Variants in CMC2 observed in about 807,000 individuals in gnomAD.
CMC2 encodes the protein C-X9-C motif containing 2.
CMC2 carries 5 observed loss-of-function variants against 7.5 expected under a neutral mutation model. The observed-to-expected ratio is 0.66, with a 90% CI of 0.35 to 1.40. The LOEUF (loss-of-function observed/expected upper bound fraction) is 1.40. Ranked by LOEUF, CMC2 falls within the 40% of genes most tolerant of loss-of-function variation. The pLI is 0.04. For missense variants in CMC2, 115 were observed against 92.3 expected (o/e 1.25, Z -1.01); for synonymous variants, 37 against 31.4 (o/e 1.18, Z -0.60).
chr16:81,002,550 T>C (rs1968944268), intron 1 of CMC2, among the ~76,000 whole-genome samples: 1 of 152,254 alleles, frequency 6.6e-6, no homozygotes, highest in Non-Finnish European at 1.5e-5. Flanking sequence ...TGTGTGCCTT[T>C]ACAATTCAGA....
rs1005292021 is a variant in CMC2, at chr16:80,970,876, C to G, written c.*5217G>C. The G allele has an allele frequency of 1.3e-5, 2 of 152,074 alleles. No homozygotes were observed. Among genetic ancestry groups the G allele is most frequent in the African/African-American group, 4.8e-5 (2 of 41,402 alleles). 9.4% of individuals were successfully genotyped at this position (152,074 alleles called of 1,614,324 possible). ...ATTAGAATAAGTAATTTTAAAAATA[C>G]CCCTTAGACACAAATCTAGCAAAAG... On this transcript the variant is annotated 3_prime_UTR_variant, in exon 4 of 4. Transcript: ENST00000219400.
In CMC2 at chr16:80,974,780, G is replaced by C. The variant is rs1444981859; in HGVS notation, c.*1313C>G. ...TCTGTATTTCTACTGCCTGACACTA[G>C]GGGGACTGAATAAATATTCATACAC... On this transcript the variant is annotated 3_prime_UTR_variant, in exon 4 of 4. Transcript: ENST00000219400. 1.3e-5 allele frequency: 2 copies of C among 152,178 alleles called. No individual in the cohort carries two copies. The highest frequency in any genetic ancestry group is 2.4e-5 in the African/African-American group (1 of 41,442). The allele number at this position is 152,178 out of a possible 1,614,324, so 9.4% of individuals were successfully genotyped here. A position where few individuals can be genotyped will look rare whatever the true frequency, so the allele number is the denominator to read the frequency against.
Position 80,978,182 on chromosome 16 carries a change from A to G in CMC2, c.154-2003T>C. 3 of 756,940 alleles carry G rather than the reference A, an allele frequency of 4.0e-6. No homozygotes were observed. In the African/African-American group the frequency reaches 5.7e-5, roughly 14 times the overall value. 46.9% of individuals were successfully genotyped at this position (756,940 alleles called of 1,614,324 possible). On this transcript the variant is annotated intron_variant, in intron 3 of 3. Coordinates refer to ENST00000219400, the MANE Select transcript of CMC2 (RefSeq NM_020188.5). ...CATAAAATTGTTGGGGAAAAAATCA[A>G]TAAAACGTATTCTAGAACAAGGAAG... is the stretch of plus-strand genomic sequence containing the variant.
At chr16:81,000,314 G>C (rs1395824219) in intron 1 of CMC2, among the ~76,000 whole-genome samples, 1 of 152,048 alleles carries the variant, frequency 6.6e-6, no homozygotes, top group Non-Finnish European at 1.5e-5. Context: ...TGGCCAATAT[G>C]GTGAAACCCC....
At chr16:80,993,471 G>C (rs772173381) in intron 2 of CMC2, among the ~76,000 whole-genome samples, 4 of 152,198 alleles carry the variant, frequency 2.6e-5, no homozygotes, top group Non-Finnish European at 4.4e-5. Flanking sequence ...AATCTACATG[G>C]AGCTGCCTTG....
chr16:80,989,827 T>C (rs546275681), intron 2 of CMC2, among the ~76,000 whole-genome samples: 11 of 152,350 alleles, frequency 7.2e-5, no homozygotes, highest in African/African-American at 2.6e-4. Flanking sequence ...GAAACCTGTC[T>C]CTTTTCGTCT....
intron 3 of CMC2, among the ~76,000 whole-genome samples, chr16:80,981,385 A>G (rs1181575997): frequency 6.6e-6 from 1 of 151,546 alleles, no homozygotes; most frequent in Non-Finnish European, 1.5e-5. Context: ...CATAACTACA[A>G]AGAAATTCAA....
chr16:80,998,954 G>A (rs1231290485), intron 1 of CMC2: 1 of 126,934 alleles, frequency 7.9e-6, no homozygotes, highest in Non-Finnish European at 1.8e-5. Context: ...CTCAAAATAA[G>A]AGCCATCTAT....
At chr16:80,993,005 G>T (rs1968128366) in intron 2 of CMC2, among the ~76,000 whole-genome samples, 1 of 151,992 alleles carries the variant, frequency 6.6e-6, no homozygotes, top group African/African-American at 2.4e-5. Context: ...CCCACACCTA[G>T]GTTATATAAG....
At chr16:80,988,790 GT>G (rs1239868853) in intron 2 of CMC2, among the ~76,000 whole-genome samples, 2 of 125,912 alleles carry the variant, frequency 1.6e-5, no homozygotes, top group Non-Finnish European at 1.8e-5. Context: ...GCATTTAGTT[GT>G]CACGTCTTTT....
rs1911742944 is a variant in CMC2, at chr16:80,969,058, G to A, written c.*7035C>T. The A allele has an allele frequency of 1.3e-5, 2 of 152,226 alleles. 1 individual carries two copies. The highest frequency in any genetic ancestry group is 4.1e-4 in the South Asian group (2 of 4,832). 9.4% of individuals were successfully genotyped at this position (152,226 alleles called of 1,614,324 possible). On this transcript the variant is annotated 3_prime_UTR_variant, in exon 4 of 4. Coordinates refer to ENST00000219400, the MANE Select transcript of CMC2 (RefSeq NM_020188.5). ...CTTGGGCTCTGAGCAGAAAAAATAT[G>A]TTTCCCATTGGTAAGTTAAGTGTGT...
chr16:80,967,250 G>A lies in CMC2; in HGVS notation c.*8843C>T, dbSNP rs1911616981. The A allele has an allele frequency of 6.6e-6, 1 of 152,218 alleles. No homozygotes were observed. Among genetic ancestry groups the A allele is most frequent in the Non-Finnish European group, 1.5e-5 (1 of 68,038 alleles). The allele number at this position is 152,218 out of a possible 1,614,324, so 9.4% of individuals were successfully genotyped here. ...ATCTGCTAGCTTAACTAAAATTTTA[G>A]CAGATAAAGCCATCACAGCAACTTG... is the stretch of plus-strand genomic sequence containing the variant. On this transcript the variant is annotated 3_prime_UTR_variant, in exon 4 of 4. Transcript: ENST00000219400.
intron 3 of CMC2, 42 bp downstream of exon 3, chr16:80,981,764 T>A: frequency 7.8e-7 from 1 of 1,286,178 alleles, no homozygotes; most frequent in Non-Finnish European, 1.1e-6. Flanking sequence ...AAATGTTCTG[T>A]TCTATTGTTC....
chr16:80,993,221 A>G (rs1367017165), intron 2 of CMC2, among the ~76,000 whole-genome samples: 2 of 152,214 alleles, frequency 1.3e-5, no homozygotes, highest in Admixed American at 1.3e-4. Context: ...AACTATTTTC[A>G]GATATTGGGA....
intron 3 of CMC2, among the ~76,000 whole-genome samples, chr16:80,978,583 CA>C (rs996656975): frequency 2.6e-5 from 4 of 151,732 alleles, no homozygotes; most frequent in Admixed American, 2.6e-4. Context: ...AGAAGAAGAA[CA>C]AAAGGCCAGG....
intron 1 of CMC2, among the ~76,000 whole-genome samples, chr16:81,000,623 A>G (rs1308261599): frequency 3.3e-5 from 5 of 152,270 alleles, no homozygotes; most frequent in Non-Finnish European, 5.9e-5. Flanking sequence ...TCATCAGAGA[A>G]ATGCAAATCA....
At chr16:80,981,743 A>C in intron 3 of CMC2, 63 bp downstream of exon 3, 1 of 1,081,198 alleles carries the variant, frequency 9.2e-7, no homozygotes. Context: ...GCAGTAATAC[A>C]CAATATTCAA....
intron 3 of CMC2, among the ~76,000 whole-genome samples, chr16:80,978,828 C>T (rs189625235): frequency 8.1e-4 from 124 of 152,182 alleles, no homozygotes; most frequent in East Asian, 4.8e-3. Context: ...ACGCCTGTAA[C>T]CCCAGCACTT....
intron 2 of CMC2, among the ~76,000 whole-genome samples, chr16:80,989,523 G>A (rs1597243075): frequency 6.6e-6 from 1 of 152,118 alleles, no homozygotes; most frequent in South Asian, 2.1e-4. Context: ...ACAAGATGTT[G>A]CAGGTTCTTC....
Sources: gnomAD v4.1 joint callset for allele counts (sites outside exome capture counted in the v4.1 genomes callset) on GRCh38, gnomAD v4.1.1 for gene constraint, MANE v1.5 for transcripts, NCBI Gene and HGNC (gene_info 2026-07-23, HGNC 2026-07-21) for gene names.